The following STRN variants were observed in gnomAD, a reference collection of about 807,000 sequenced individuals.
STRN encodes striatin.
Under a neutral mutation model 96.3 loss-of-function variants are expected in STRN, and 53 were observed. That is an observed-to-expected ratio of 0.55 (90% CI 0.44 to 0.69). The LOEUF is 0.69. Ranked by LOEUF, STRN falls within the 30% of genes least tolerant of loss-of-function variation. The pLI, the probability that STRN is intolerant of heterozygous loss-of-function variation, is 0.00. For synonymous variants in STRN, 428 were observed against 355.9 expected (o/e 1.20, Z -2.28); for missense variants, 987 against 963.9 (o/e 1.02, Z -0.32).
chr2:36,937,709 G>A (rs535013276), intron 1 of STRN, among the ~76,000 whole-genome samples: 45 of 151,380 alleles, frequency 3.0e-4, no homozygotes, highest in African/African-American at 1.1e-3. Flanking sequence ...AAGAGAAGAA[G>A]GAAATAAGAA....
In STRN at chr2:36,848,551, T is replaced by C. The variant is rs1193520649; in HGVS notation, c.*905A>G. On this transcript the variant is annotated 3_prime_UTR_variant, in exon 18 of 18. Coordinates refer to ENST00000263918, the MANE Select transcript of STRN (RefSeq NM_003162.4). The stretch of plus-strand genomic sequence containing the variant: ...TTCTATCTTTTCAGTCACTGAAAAG[T>C]AAGATTTCATTGGTATGAAATAATC... 2 of 152,184 alleles carry C rather than the reference T, an allele frequency of 1.3e-5. No homozygotes were observed. The highest frequency in any genetic ancestry group is 1.5e-5 in the Non-Finnish European group (1 of 68,030). 9.4% of individuals were successfully genotyped at this position (152,184 alleles called of 1,614,324 possible). A position where few individuals can be genotyped will look rare whatever the true frequency, so the allele number is the denominator to read the frequency against.
Position 36,845,917 on chromosome 2 carries a change from A to ACACACACACACACACACACACGCATG in STRN, c.*3538_*3539insCATGCGTGTGTGTGTGTGTGTGTGTG, listed in dbSNP as rs1668060383. 12 of 13,822 alleles carry ACACACACACACACACACACACGCATG rather than the reference A, an allele frequency of 8.7e-4. No individual in the cohort carries two copies. The highest frequency in any genetic ancestry group is 3.0e-3 in the African/African-American group (12 of 3,992). The allele number at this position is 13,822 out of a possible 1,614,324, so 0.9% of individuals were successfully genotyped here. On this transcript the variant is annotated 3_prime_UTR_variant, in exon 18 of 18. Transcript: ENST00000263918. ...CACACACACACACACGCATGCATGC[A>ACACACACACACACACACACACGCATG]CACACACACACACACACACACACAC...
At chr2:36,932,174 T>G (rs1463710716) in intron 1 of STRN, among the ~76,000 whole-genome samples, 1 of 151,866 alleles carries the variant, frequency 6.6e-6, no homozygotes, top group African/African-American at 2.4e-5. Flanking sequence ...ACTTTTTTTT[T>G]GAGACAGTCT....
chr2:36,917,455 G>C (rs1432205393), intron 2 of STRN, among the ~76,000 whole-genome samples: 1 of 150,910 alleles, frequency 6.6e-6, no homozygotes, highest in Non-Finnish European at 1.5e-5. Context: ...CGGCTGCAGA[G>C]GTTGCAGTGA....
chr2:36,900,892 C>CTAAATAAATAAA (rs533631408), intron 5 of STRN, among the ~76,000 whole-genome samples: 4 of 150,526 alleles, frequency 2.7e-5, no homozygotes, highest in African/African-American at 9.8e-5. Flanking sequence ...GACTCTGTCT[C>CTAAATAAATAAA]TAAATAAATA....
In STRN at chr2:36,839,269, T is replaced by G. The variant is rs1667890799; in HGVS notation, c.*10187A>C. 6.6e-6 allele frequency among the ~76,000 whole-genome samples: 1 copy of G among 152,182 alleles called. No individual in the cohort carries two copies. Among genetic ancestry groups the G allele is most frequent in the Non-Finnish European group, 1.5e-5 (1 of 68,030 alleles). On this transcript the variant is annotated 3_prime_UTR_variant, in exon 18 of 18. Transcript: ENST00000263918. ...TTTCCCTCTGCACTTATCACTAATA[T>G]TCCCTATATTTTCACTTGTTCCCCC...
In STRN at chr2:36,892,828, C is replaced by G. The variant is rs556733399; in HGVS notation, c.931+1070G>C. ...CTGATGTTAGGAATTCGAGACCAGC[C>G]TGGCCAACATGGTGAAACCCTGTTA... On this transcript the variant is annotated intron_variant, in intron 7 of 17. Transcript: ENST00000263918. 3.3e-5 allele frequency among the ~76,000 whole-genome samples: 5 copies of G among 152,308 alleles called. No individual in the cohort carries two copies. In the East Asian group the frequency reaches 7.7e-4, roughly 24 times the overall value.
At chr2:36,909,256 GGTTA>G (rs1232993225) in intron 3 of STRN, among the ~76,000 whole-genome samples, 1 of 151,756 alleles carries the variant, frequency 6.6e-6, no homozygotes, top group African/African-American at 2.4e-5. Context: ...TTCTTTCCAT[GGTTA>G]GTAAGCAGTC....
chr2:36,964,146 GA>G (rs1357807519), intron 1 of STRN, among the ~76,000 whole-genome samples: 1 of 133,904 alleles, frequency 7.5e-6, no homozygotes, highest in African/African-American at 2.9e-5. Flanking sequence ...CCAGTAAATT[GA>G]AAAGTTTAAA....
At chr2:36,903,139 T>C (rs78682848) in intron 4 of STRN, among the ~76,000 whole-genome samples, 124 of 152,342 alleles carry the variant, frequency 8.1e-4, no homozygotes, top group African/African-American at 2.9e-3. Flanking sequence ...GTTTGTGATC[T>C]AGACAGAATG....
intron 2 of STRN, among the ~76,000 whole-genome samples, chr2:36,917,865 C>T (rs148573918): frequency 9.5e-4 from 144 of 152,194 alleles, no homozygotes; most frequent in African/African-American, 3.1e-3. Flanking sequence ...GAACTGATCT[C>T]TTAAGCAAAA....
In STRN at chr2:36,886,625, G is replaced by A. The variant is rs1361475283; in HGVS notation, c.1042+91C>T. 4.7e-5 allele frequency: 46 copies of A among 980,516 alleles called. 1 individual carries two copies. The highest frequency in any genetic ancestry group is 6.7e-5 in the Non-Finnish European group (44 of 654,702). The allele number at this position is 980,516 out of a possible 1,614,324, so 60.7% of individuals were successfully genotyped here. A position where few individuals can be genotyped will look rare whatever the true frequency, so the allele number is the denominator to read the frequency against. ...AGGTCAGGAGCAGAAATGAAAAAGAGTAAGTAGATTTAGGAAAACATTGAA... is the reference window on the plus strand; with the variant it reads ...AGGTCAGGAGCAGAAATGAAAAAGAATAAGTAGATTTAGGAAAACATTGAA... On this transcript the variant is annotated intron_variant, in intron 8 of 17. Transcript: ENST00000263918.
intron 1 of STRN, among the ~76,000 whole-genome samples, chr2:36,952,636 C>T (rs1034462472): frequency 6.6e-6 from 1 of 152,188 alleles, no homozygotes; most frequent in Non-Finnish European, 1.5e-5. Context: ...ATATAAAGCA[C>T]TTAGCATTGT....
rs1212247039 is a variant in STRN, at chr2:36,847,850, G to C, written c.*1606C>G. 6.6e-6 allele frequency: 1 copy of C among 152,026 alleles called. No individual in the cohort carries two copies. Among genetic ancestry groups the C allele is most frequent in the Non-Finnish European group, 1.5e-5 (1 of 67,996 alleles). The allele number at this position is 152,026 out of a possible 1,614,324, so 9.4% of individuals were successfully genotyped here. A position where few individuals can be genotyped will look rare whatever the true frequency, so the allele number is the denominator to read the frequency against. On this transcript the variant is annotated 3_prime_UTR_variant, in exon 18 of 18. Coordinates refer to ENST00000263918, the MANE Select transcript of STRN (RefSeq NM_003162.4). Reference sequence around the variant, plus strand: ...ATTGTTATGACGATGGAAAATGTGGGGAATGGAATATGTAGAAATTGTTTT... The same window carrying C: ...ATTGTTATGACGATGGAAAATGTGGCGAATGGAATATGTAGAAATTGTTTT...
intron 12 of STRN, among the ~76,000 whole-genome samples, chr2:36,863,753 C>T (rs994519638): frequency 6.6e-6 from 1 of 152,120 alleles, no homozygotes; most frequent in African/African-American, 2.4e-5. Flanking sequence ...TTGGGCAGTA[C>T]GGCCATTTTA....
chr2:36,965,183 T>C (rs186076471), intron 1 of STRN, among the ~76,000 whole-genome samples: 57 of 152,372 alleles, frequency 3.7e-4, no homozygotes, highest in Non-Finnish European at 7.5e-4. Context: ...TAAACTCAAG[T>C]GTTTTGCCAA....
At chr2:36,915,375 C>T (rs1013265018) in intron 3 of STRN, among the ~76,000 whole-genome samples, 18 of 150,066 alleles carry the variant, frequency 1.2e-4, no homozygotes, top group African/African-American at 3.9e-4. Context: ...ACGCCAGAAA[C>T]GTACCTATCT....
intron 1 of STRN, among the ~76,000 whole-genome samples, chr2:36,940,915 G>C (rs969587942): frequency 6.6e-6 from 1 of 151,794 alleles, no homozygotes; most frequent in African/African-American, 2.4e-5. Flanking sequence ...CACTTTGGGA[G>C]GCCAAGGCAG....
intron 7 of STRN, among the ~76,000 whole-genome samples, chr2:36,890,709 C>T (rs1669373021): frequency 6.6e-6 from 1 of 152,054 alleles, no homozygotes; most frequent in African/African-American, 2.4e-5. Flanking sequence ...GTCTCAAACT[C>T]CTGACCTCAG....
Sources: gnomAD v4.1 joint callset for allele counts (sites outside exome capture counted in the v4.1 genomes callset) on GRCh38, gnomAD v4.1.1 for gene constraint, MANE v1.5 for transcripts, NCBI Gene and HGNC (gene_info 2026-07-23, HGNC 2026-07-21) for gene names.